BRD8: variants seen among roughly 807,000 people sequenced by gnomAD.
The protein encoded by BRD8 is bromodomain-containing protein 8.
A neutral mutation model predicts 143.1 loss-of-function variants in BRD8; 67 were observed. That is an observed-to-expected ratio of 0.47 (90% CI 0.38 to 0.57). The LOEUF (loss-of-function observed/expected upper bound fraction) is 0.57. Among genes scored for constraint, BRD8 ranks in the 20% least tolerant of loss-of-function variants. The pLI, the probability that BRD8 is intolerant of heterozygous loss-of-function variation, is 0.00. For synonymous variants in BRD8, 505 were observed against 517.1 expected (o/e 0.98, Z 0.32); for missense variants, 1,103 against 1,503.0 (o/e 0.73, Z 4.40).
intron 15 of BRD8, among the ~76,000 whole-genome samples, 186 bp from the exon 16 acceptor site, chr5:138,162,332 C>T (rs1045054962): frequency 5.9e-5 from 9 of 152,134 alleles, no homozygotes; most frequent in Non-Finnish European, 1.0e-4. Flanking sequence ...GTAGCTGGGA[C>T]TATAGGTGCA....
At chr5:138,153,970 C>A (rs1752474555) in intron 20 of BRD8, among the ~76,000 whole-genome samples, 1 of 151,820 alleles carries the variant, frequency 6.6e-6, no homozygotes, top group Non-Finnish European at 1.5e-5. Flanking sequence ...GCCACCACAC[C>A]CGACCCCATC....
Position 138,140,117 on chromosome 5 carries a change from C to G in BRD8, c.3665G>C (p.Gly1222Ala). ...DKRKGSSSLE[G>A]EPANPVDDGK... ...ATCATCCACTGGGTTAGCTGGTTCTCCTTCCAGACTACTTGAGCCTTTTCT... is the reference window on the plus strand; with the variant it reads ...ATCATCCACTGGGTTAGCTGGTTCTGCTTCCAGACTACTTGAGCCTTTTCT... Residue 1222 changes from glycine (G) to alanine (A), a missense_variant, in exon 27 of 27, where the codon GGA becomes GCA. Physicochemically the swap from Gly to Ala is moderately conservative, Grantham distance 60 (BLOSUM62 0). Around this residue, in one of 7 missense-constraint regions of BRD8, gnomAD observed 369 missense variants for 445.5 expected, o/e 0.83. Transcript: ENST00000254900. 6.2e-7 allele frequency: 1 copy of G among 1,614,020 alleles called. No homozygotes were observed. Among genetic ancestry groups the G allele is most frequent in the African/African-American group, 1.3e-5 (1 of 75,038 alleles).
At chr5:138,167,678 C>T (rs914363749) in intron 9 of BRD8, 1 of 399,424 alleles carries the variant, frequency 2.5e-6, no homozygotes, top group Admixed American at 3.9e-5. Context: ...CTTGATTTTG[C>T]AAGCCCTAAG....
chr5:138,161,105 T>C, intron 17 of BRD8, 37 bp from the exon 18 acceptor site: 4 of 1,546,518 alleles, frequency 2.6e-6, no homozygotes, highest in Non-Finnish European at 1.8e-6. Context: ...GCAGTGGGGA[T>C]GGAAAGAGGA....
At position 138,153,098 on chromosome 5, in the gene BRD8, T is replaced by C. The variant is rs573598207; in HGVS notation, c.2578-338A>G. On this transcript the variant is annotated intron_variant, in intron 20 of 26. Transcript: ENST00000254900. ...AAGAACTGGAGCATAGCTAGCTCAA[T>C]TATTTTCCTCTAGCCCAAATCATCC... 4.2e-4 allele frequency among the ~76,000 whole-genome samples: 64 copies of C among 152,346 alleles called. 1 individual carries two copies. Among genetic ancestry groups the C allele is most frequent in the African/African-American group, 1.5e-3 (63 of 41,574 alleles).
chr5:138,171,052 G>T lies in BRD8; in HGVS notation c.345C>A (p.Thr115=), dbSNP rs1373822517. 1.2e-6 allele frequency: 2 copies of T among 1,613,398 alleles called. No individual in the cohort carries two copies. Among genetic ancestry groups the T allele is most frequent in the Admixed American group, 1.7e-5 (1 of 59,940 alleles). The change falls in exon 5 of 27, where the codon ACC becomes ACA. Residue 115 remains threonine (T), a synonymous_variant. Transcript: ENST00000254900. ...VEELKKVIKE[T]QERYRRLKRD... ...CTGATAAGTACCTATATCTCTCCTG[G>T]GTTTCCTTTATCACTTTCTTTAGTT...
At chr5:138,151,046 C>T (rs749831345) in intron 21 of BRD8, 38 bp from the exon 22 acceptor site, 65 of 1,589,414 alleles carry the variant, frequency 4.1e-5, no homozygotes, top group Non-Finnish European at 5.4e-5. Flanking sequence ...ACAGGAACAC[C>T]ACTGAAAATC....
At chr5:138,172,209 G>A (rs897737130) in intron 2 of BRD8, 75 bp from the exon 3 acceptor site, 3 of 1,233,614 alleles carry the variant, frequency 2.4e-6, no homozygotes, top group African/African-American at 3.0e-5. Flanking sequence ...TGCAAGGCTT[G>A]GAGTTCAAAC....
At chr5:138,146,785 G>A (rs1483859945) in intron 23 of BRD8, among the ~76,000 whole-genome samples, 3 of 151,148 alleles carry the variant, frequency 2.0e-5, no homozygotes, top group East Asian at 4.0e-4. Flanking sequence ...TGGCTAACAC[G>A]GTGAAACCCC....
intron 20 of BRD8, chr5:138,157,067 G>A (rs1752650717): frequency 6.5e-7 from 1 of 1,528,208 alleles, no homozygotes; most frequent in Non-Finnish European, 8.7e-7. Context: ...AACTCTCTAA[G>A]AGAGATTTTC....
intron 6 of BRD8, 164 bp downstream of exon 6, chr5:138,170,668 G>A: frequency 1.3e-6 from 1 of 741,282 alleles, no homozygotes; most frequent in Non-Finnish European, 2.4e-6. Flanking sequence ...TACCTTCTAG[G>A]ACTCACTCCC....
intron 25 of BRD8, among the ~76,000 whole-genome samples, chr5:138,143,744 G>T (rs1752013501): frequency 6.6e-6 from 1 of 151,990 alleles, no homozygotes; most frequent in Admixed American, 6.6e-5. Context: ...CTTTGTAAAT[G>T]CACCAATCAG....
chr5:138,177,479 G>A, intron 2 of BRD8, 92 bp downstream of exon 2: 4 of 788,896 alleles, frequency 5.1e-6, no homozygotes, highest in Admixed American at 2.1e-5. Context: ...TCTACTTACA[G>A]CTTAATATGA....
At position 138,152,777 on chromosome 5, in the gene BRD8, A is replaced by G. The variant is rs951462903; in HGVS notation, c.2578-17T>C. On this transcript the variant is annotated splice_polypyrimidine_tract_variant and intron_variant, in intron 20 of 26. Transcript: ENST00000254900. ...GTGTCCCATCTGTAAATACACAGGA[A>G]AACATGCATTAAATTCATTCAAATA... 7 of 1,600,268 alleles carry G rather than the reference A, an allele frequency of 4.4e-6. No individual in the cohort carries two copies. The highest frequency in any genetic ancestry group is 6.0e-6 in the Non-Finnish European group (7 of 1,170,380).
intron 20 of BRD8, among the ~76,000 whole-genome samples, chr5:138,154,418 A>T (rs1261903066): frequency 6.6e-6 from 1 of 152,176 alleles, no homozygotes; most frequent in Non-Finnish European, 1.5e-5. Flanking sequence ...CTCAAAACGT[A>T]TGTCCTTTAA....
chr5:138,162,336 A>G (rs1753060569), intron 15 of BRD8, among the ~76,000 whole-genome samples, 190 bp from the exon 16 acceptor site: 1 of 152,100 alleles, frequency 6.6e-6, no homozygotes, highest in African/African-American at 2.4e-5. Flanking sequence ...CTGGGACTAT[A>G]GGTGCATACC....
rs1394675653 is a variant in BRD8 at position 138,164,393 on chromosome 5, C to T, written c.1752G>A (p.Leu584=). The T allele has an allele frequency of 6.2e-7, 1 of 1,613,992 alleles. No homozygotes were observed. The highest frequency in any genetic ancestry group is 8.5e-7 in the Non-Finnish European group (1 of 1,179,990). ...VKTEASPESM[L]SPSHGSNPIE... The stretch of plus-strand genomic sequence containing the variant: ...TGGGATTTGAGCCATGTGATGGAGA[C>T]AACATGCTTTCAGGGGATGCCTGAA... Residue 584 remains leucine, a synonymous_variant, in exon 13 of 27, where the codon TTG becomes TTA. Transcript: ENST00000254900.
chr5:138,169,891 G>A (rs1003449831), intron 7 of BRD8, among the ~76,000 whole-genome samples: 17 of 152,280 alleles, frequency 1.1e-4, no homozygotes, highest in Middle Eastern at 3.4e-3. Context: ...CCCGCGAGGC[G>A]GAGGTTGCAG....
chr5:138,142,910 T>C (rs1480311825), intron 25 of BRD8, among the ~76,000 whole-genome samples: 1 of 150,816 alleles, frequency 6.6e-6, no homozygotes, highest in Admixed American at 6.6e-5. Context: ...TACAAAAAAT[T>C]TAAAAATTCC....
Sources: allele counts gnomAD v4.1 joint callset (sites outside exome capture counted in the v4.1 genomes callset), GRCh38; gene constraint gnomAD v4.1.1; regional missense constraint gnomAD v4.1.1; transcripts MANE v1.5; gene names NCBI Gene and HGNC (gene_info 2026-07-23, HGNC 2026-07-21).